Variants in RAPH1 observed in about 807,000 individuals in gnomAD.
RAPH1 encodes the protein ras-associated and pleckstrin homology domains-containing protein 1.
Under a neutral mutation model 88.1 loss-of-function variants are expected in RAPH1, and 18 were observed. That is an observed-to-expected ratio of 0.20 (90% CI 0.14 to 0.30). RAPH1 has a LOEUF of 0.30. Among genes scored for constraint, RAPH1 ranks in the 10% least tolerant of loss-of-function variants. RAPH1 has a pLI of 1.00. For missense variants in RAPH1, 1,448 were observed against 1,543.2 expected (o/e 0.94, Z 1.03); for synonymous variants, 587 against 559.0 (o/e 1.05, Z -0.71).
chr2:203,486,092 A>AC (rs1379500213), intron 4 of RAPH1, among the ~76,000 whole-genome samples: 2 of 108,090 alleles, frequency 1.9e-5, no homozygotes, highest in African/African-American at 3.0e-5. Flanking sequence ...CCTGAAGACT[A>AC]CAAAAAAAAA....
chr2:203,461,869 A>T lies in RAPH1; in HGVS notation c.789T>A (p.Ile263=). Residue 263 remains isoleucine, a synonymous_variant, in exon 5 of 14, where the codon ATT becomes ATA. Transcript: ENST00000319170. ...AEKIRVALEK[I]KEAQVKKLVI... ...TCACCTTTTTCACTTGTGCCTCTTT[A>T]ATTTTCTCTAGGGCAACTCTGATCT... The T allele has an allele frequency of 6.2e-7, 1 of 1,608,246 alleles. No individual in the cohort carries two copies. The highest frequency in any genetic ancestry group is 8.5e-7 in the Non-Finnish European group (1 of 1,177,298).
chr2:203,457,092 T>C (rs1265839252), intron 8 of RAPH1, among the ~76,000 whole-genome samples: 1 of 152,100 alleles, frequency 6.6e-6, no homozygotes, highest in Non-Finnish European at 1.5e-5. Context: ...TATCAAAGAA[T>C]ACACAGGCTT....
intron 10 of RAPH1, among the ~76,000 whole-genome samples, chr2:203,450,926 T>C (rs2098514349): frequency 6.6e-6 from 1 of 151,072 alleles, no homozygotes; most frequent in African/African-American, 2.4e-5. Flanking sequence ...CAAAACAACA[T>C]CTGGGAAAAT....
At chr2:203,494,803 C>T (rs1403259786) in intron 2 of RAPH1, among the ~76,000 whole-genome samples, 1 of 144,706 alleles carries the variant, frequency 6.9e-6, no homozygotes, top group Non-Finnish European at 1.5e-5. Context: ...GAGCAAGACT[C>T]CGTCTCAAAA....
intron 1 of RAPH1, among the ~76,000 whole-genome samples, chr2:203,534,198 G>A (rs1049967592): frequency 3.3e-5 from 5 of 152,144 alleles, no homozygotes; most frequent in Non-Finnish European, 5.9e-5. Flanking sequence ...GAGAAATGCT[G>A]CAGACAACAT....
At chr2:203,529,506 C>T (rs1173308879) in intron 1 of RAPH1, among the ~76,000 whole-genome samples, 1 of 152,064 alleles carries the variant, frequency 6.6e-6, no homozygotes, top group Non-Finnish European at 1.5e-5. Flanking sequence ...GGATTACAGG[C>T]ATGCGCCACC....
At chr2:203,477,058 C>T (rs772583879) in intron 4 of RAPH1, 11 of 1,579,472 alleles carry the variant, frequency 7.0e-6, no homozygotes, top group African/African-American at 2.7e-5. Flanking sequence ...CATGCCATGG[C>T]ATGTTTATAG....
Position 203,523,286 on chromosome 2 carries a change from G to A in RAPH1, c.-1+11825C>T, listed in dbSNP as rs573258769. ...CGGGCGCCTGTAGTCCCAGCTACTCGGGAGGCTGAGGCAGGAGAATGGCGT... is the reference window on the plus strand; with the variant it reads ...CGGGCGCCTGTAGTCCCAGCTACTCAGGAGGCTGAGGCAGGAGAATGGCGT... On this transcript the variant is annotated intron_variant, in intron 1 of 13. Coordinates refer to ENST00000319170, the MANE Select transcript of RAPH1 (RefSeq NM_213589.3). Among the ~76,000 whole-genome samples the A allele has an allele frequency of 3.6e-3, 550 of 151,874 alleles. 4 individuals are homozygous for A. Among genetic ancestry groups the A allele is most frequent in the African/African-American group, 0.013 (519 of 41,420 alleles).
At chr2:203,532,661 T>C (rs1050297155) in intron 1 of RAPH1, among the ~76,000 whole-genome samples, 3 of 152,202 alleles carry the variant, frequency 2.0e-5, no homozygotes, top group African/African-American at 4.8e-5. Flanking sequence ...GTGTACGTCA[T>C]ACAGTGGCCA....
chr2:203,440,108 C>T lies in RAPH1; in HGVS notation c.3082G>A (p.Gly1028Arg), dbSNP rs761472422. ...LPPPAAPPKPGKLNLSGVNLP... is the reference protein window; with the variant it reads ...LPPPAAPPKPRKLNLSGVNLP... ...TTGACTCCAGAAAGATTGAGTTTTCCAGGCTTGGGGGGTGCTGCAGGAGGT... is the reference window on the plus strand; with the variant it reads ...TTGACTCCAGAAAGATTGAGTTTTCTAGGCTTGGGGGGTGCTGCAGGAGGT... The change falls in exon 14 of 14, where the codon GGA (glycine) becomes AGA (arginine). Residue 1028 changes from glycine (G) to arginine (R), a missense_variant. Gly to Arg is a moderately radical substitution (Grantham distance 125, BLOSUM62 -2). Coordinates refer to ENST00000319170, the MANE Select transcript of RAPH1 (RefSeq NM_213589.3). 6.2e-6 allele frequency: 10 copies of T among 1,613,338 alleles called. No homozygotes were observed. Among genetic ancestry groups the T allele is most frequent in the Non-Finnish European group, 4.2e-6 (5 of 1,179,994 alleles).
At chr2:203,480,417 G>T (rs1260276373) in intron 4 of RAPH1, among the ~76,000 whole-genome samples, 5 of 152,296 alleles carry the variant, frequency 3.3e-5, no homozygotes, top group Non-Finnish European at 7.4e-5. Context: ...GTGTGGTGGT[G>T]CGCGCCTATA....
chr2:203,448,939 A>G lies in RAPH1; in HGVS notation c.1414-103T>C, dbSNP rs1297682243. On this transcript the variant is annotated intron_variant, in intron 10 of 13. Coordinates refer to ENST00000319170, the MANE Select transcript of RAPH1 (RefSeq NM_213589.3). This position sits in a 1 kb window ranked among gnomAD's most constrained non-coding sequence, Gnocchi z 4.1. ...ATCCTGACAAGTTATAGGCCATTAG[A>G]GTAATGGCCAATACATTTATGCTTC... 6.6e-6 allele frequency: 4 copies of G among 601,900 alleles called. No homozygotes were observed. Among genetic ancestry groups the G allele is most frequent in the Non-Finnish European group, 1.1e-5 (4 of 358,512 alleles). 37.3% of individuals were successfully genotyped at this position (601,900 alleles called of 1,614,324 possible).
At chr2:203,457,694 G>T (rs1380229785) in intron 7 of RAPH1, 99 bp from the exon 8 acceptor site, 3 of 900,080 alleles carry the variant, frequency 3.3e-6, no homozygotes, top group Non-Finnish European at 3.6e-6. Context: ...GTGTGTGTAT[G>T]TTTTCTTCTA....
intron 1 of RAPH1, among the ~76,000 whole-genome samples, chr2:203,503,866 G>A (rs1209844365): frequency 6.6e-6 from 1 of 152,144 alleles, no homozygotes; most frequent in East Asian, 1.9e-4. Flanking sequence ...AGGGGTTACA[G>A]GGCCCATGAA....
rs151153476 is a variant in RAPH1, at chr2:203,478,244, T to C, written c.732+11340A>G. On this transcript the variant is annotated intron_variant, in intron 4 of 13. Transcript: ENST00000319170. ...AGAGACGGGGTTTCACAGTGTTAGCTAGGATGGTCTCAATCTCCTGACCTC... is the reference window on the plus strand; with the variant it reads ...AGAGACGGGGTTTCACAGTGTTAGCCAGGATGGTCTCAATCTCCTGACCTC... Among the ~76,000 whole-genome samples the C allele has an allele frequency of 5.3e-4, 81 of 152,050 alleles. 1 individual carries two copies. The highest frequency in any genetic ancestry group is 3.4e-3 in the Middle Eastern group (1 of 294).
At chr2:203,450,887 CAAA>C (rs2098514258) in intron 10 of RAPH1, among the ~76,000 whole-genome samples, 1 of 147,108 alleles carries the variant, frequency 6.8e-6, no homozygotes, top group Non-Finnish European at 1.5e-5. Context: ...GCGTTCTGCA[CAAA>C]AAGAGGGTTT....
At chr2:203,499,995 T>C (rs553207671) in intron 1 of RAPH1, among the ~76,000 whole-genome samples, 3 of 152,298 alleles carry the variant, frequency 2.0e-5, no homozygotes, top group South Asian at 4.1e-4. Flanking sequence ...AGCAGAGTGC[T>C]ATCAGAGCCA....
chr2:203,495,462 C>A, intron 1 of RAPH1, 109 bp from the exon 2 acceptor site: 1 of 1,073,098 alleles, frequency 9.3e-7, no homozygotes, highest in Non-Finnish European at 1.3e-6. Context: ...GTCAAATCTT[C>A]AAAACTAGAA....
chr2:203,487,379 T>G (rs541331488), intron 4 of RAPH1, among the ~76,000 whole-genome samples: 1 of 149,168 alleles, frequency 6.7e-6, no homozygotes, highest in African/African-American at 2.5e-5. Context: ...TAGAAATCAG[T>G]TTTTTTTTTC....
Sources: allele counts gnomAD v4.1 joint callset (sites outside exome capture counted in the v4.1 genomes callset), GRCh38; gene constraint gnomAD v4.1.1; non-coding constraint Gnocchi (gnomAD v3.1); transcripts MANE v1.5; gene names NCBI Gene and HGNC (gene_info 2026-07-23, HGNC 2026-07-21).